VTI1A: variants seen among roughly 807,000 people sequenced by gnomAD.
VTI1A encodes the protein vesicle transport through interaction with t-SNAREs 1A, also known as vesicle transport through interaction with t-SNAREs homolog 1A.
In VTI1A, 22 loss-of-function variants were observed where a neutral mutation model predicts 34.9. The ratio of observed to expected loss-of-function variants is 0.63; its 90% CI spans 0.45 to 0.90. The LOEUF is 0.90. VTI1A is among the 40% of genes least tolerant of loss of function. VTI1A has a pLI of 0.00. For missense variants in VTI1A, 268 were observed against 275.6 expected, an observed-to-expected ratio of 0.97 and a Z score of 0.20; for synonymous variants, 87 against 97.3, an observed-to-expected ratio of 0.89 and a Z score of 0.62.
At chr10:112,640,072 G>C (rs1364885877) in intron 5 of VTI1A, among the ~76,000 whole-genome samples, 1 of 152,046 alleles carries the variant, frequency 6.6e-6, no homozygotes, top group African/African-American at 2.4e-5. Context: ...ATAGAAATAT[G>C]AAATTATTTT....
chr10:112,511,243 AG>A (rs965504278), intron 3 of VTI1A, among the ~76,000 whole-genome samples: 8 of 149,452 alleles, frequency 5.4e-5, no homozygotes, highest in African/African-American at 2.0e-4. Flanking sequence ...GATACATGTG[AG>A]GTTTTTTTTT....
At position 112,620,028 on chromosome 10, in the gene VTI1A, C is replaced by T. The variant is rs190418785; in HGVS notation, c.428-48190C>T. Among the ~76,000 whole-genome samples the T allele has an allele frequency of 3.3e-5, 5 of 152,282 alleles. No individual in the cohort carries two copies. In the East Asian group the frequency reaches 9.7e-4, roughly 29 times the overall value. ...TTCTCCCAGGGCTTTTAAAACTCTC[C>T]TCTAAAGTATTTCTGGCAACAGTCT... is the stretch of plus-strand genomic sequence containing the variant. On this transcript the variant is annotated intron_variant, in intron 5 of 7. Coordinates refer to ENST00000393077, the MANE Select transcript of VTI1A (RefSeq NM_145206.4).
At chr10:112,786,897 T>C (rs1483744390) in intron 7 of VTI1A, among the ~76,000 whole-genome samples, 1 of 152,228 alleles carries the variant, frequency 6.6e-6, no homozygotes, top group Non-Finnish European at 1.5e-5. Context: ...TGTTTAACTT[T>C]TTTATCCGGG....
intron 5 of VTI1A, among the ~76,000 whole-genome samples, chr10:112,650,396 T>C (rs111734120): frequency 9.8e-4 from 149 of 152,282 alleles, no homozygotes; most frequent in African/African-American, 3.5e-3. Flanking sequence ...TCATCTCCTA[T>C]GATAACAATG....
intron 7 of VTI1A, among the ~76,000 whole-genome samples, chr10:112,724,773 C>G (rs1163553890): frequency 7.0e-6 from 1 of 142,520 alleles, no homozygotes; most frequent in Non-Finnish European, 1.5e-5. Context: ...CTTCCCCCAT[C>G]CCCCCTTTTT....
intron 7 of VTI1A, among the ~76,000 whole-genome samples, chr10:112,720,163 TCATGGA>T (rs1849750697): frequency 6.6e-6 from 1 of 152,268 alleles, no homozygotes; most frequent in Non-Finnish European, 1.5e-5. Flanking sequence ...AACAATGCTG[TCATGGA>T]CATTTATGTA....
intron 2 of VTI1A, among the ~76,000 whole-genome samples, chr10:112,461,006 CTT>C (rs1448482018): frequency 6.6e-6 from 1 of 152,206 alleles, no homozygotes; most frequent in Non-Finnish European, 1.5e-5. Context: ...GACTCACTTG[CTT>C]GCTACAGTTT....
intron 7 of VTI1A, among the ~76,000 whole-genome samples, chr10:112,802,831 C>T (rs1852922288): frequency 6.6e-6 from 1 of 152,078 alleles, no homozygotes; most frequent in Non-Finnish European, 1.5e-5. Flanking sequence ...CAAAGAAGGA[C>T]ACTGGGGAAA....
At chr10:112,793,969 A>G (rs951884747) in intron 7 of VTI1A, among the ~76,000 whole-genome samples, 2 of 152,174 alleles carry the variant, frequency 1.3e-5, no homozygotes, top group African/African-American at 4.8e-5. Flanking sequence ...TCTGACCTGC[A>G]TAAAGAAGAT....
chr10:112,555,664 T>C (rs1254515573), intron 5 of VTI1A, among the ~76,000 whole-genome samples: 1 of 152,046 alleles, frequency 6.6e-6, no homozygotes, highest in Non-Finnish European at 1.5e-5. Context: ...AAAGAGCTGT[T>C]ATTGACCTCA....
At chr10:112,542,779 A>T (rs767106931) in intron 5 of VTI1A, among the ~76,000 whole-genome samples, 3 of 152,150 alleles carry the variant, frequency 2.0e-5, no homozygotes, top group Non-Finnish European at 2.9e-5. Context: ...TTAAGTAATT[A>T]TGTCCACACT....
intron 5 of VTI1A, among the ~76,000 whole-genome samples, chr10:112,554,125 C>G (rs991157479): frequency 6.6e-6 from 1 of 152,092 alleles, no homozygotes; most frequent in African/African-American, 2.4e-5. Context: ...AGACATTTAT[C>G]TTTATTCACT....
intron 5 of VTI1A, among the ~76,000 whole-genome samples, chr10:112,582,205 G>C (rs1450313880): frequency 6.6e-6 from 1 of 152,158 alleles, no homozygotes; most frequent in East Asian, 1.9e-4. Flanking sequence ...GTTAGAAAGA[G>C]AGAGAAGGAC....
At chr10:112,552,719 C>T (rs1446262085) in intron 5 of VTI1A, among the ~76,000 whole-genome samples, 1 of 152,026 alleles carries the variant, frequency 6.6e-6, no homozygotes, top group African/African-American at 2.4e-5. Flanking sequence ...ACAATGAATC[C>T]CCTCATTTTT....
chr10:112,501,039 A>G (rs1029172398), intron 3 of VTI1A, among the ~76,000 whole-genome samples: 1 of 152,160 alleles, frequency 6.6e-6, no homozygotes, highest in Non-Finnish European at 1.5e-5. Context: ...TAGTATGTCA[A>G]GTTTACACTT....
chr10:112,628,657 G>A (rs887610437), intron 5 of VTI1A, among the ~76,000 whole-genome samples: 1 of 152,074 alleles, frequency 6.6e-6, no homozygotes, highest in African/African-American at 2.4e-5. Context: ...TATAATGTCT[G>A]TTCTCCTAGT....
intron 5 of VTI1A, among the ~76,000 whole-genome samples, chr10:112,538,815 A>G (rs1850753018): frequency 6.6e-6 from 1 of 152,204 alleles, no homozygotes; most frequent in Non-Finnish European, 1.5e-5. Flanking sequence ...TTTAAAAAAA[A>G]AAATCATGAA....
intron 5 of VTI1A, among the ~76,000 whole-genome samples, chr10:112,580,452 T>A (rs1167082427): frequency 6.6e-6 from 1 of 152,128 alleles, no homozygotes; most frequent in Admixed American, 6.5e-5. Flanking sequence ...GATTGGAAAT[T>A]GCTGAACCAT....
intron 7 of VTI1A, among the ~76,000 whole-genome samples, chr10:112,741,098 A>C (rs888449725): frequency 6.6e-6 from 1 of 152,200 alleles, no homozygotes; most frequent in African/African-American, 2.4e-5. Flanking sequence ...TGGAATAACT[A>C]ATCTATAGAG....
Sources: allele counts gnomAD v4.1 joint callset (sites outside exome capture counted in the v4.1 genomes callset), GRCh38; gene constraint gnomAD v4.1.1; transcripts MANE v1.5; gene names NCBI Gene and HGNC (gene_info 2026-07-23, HGNC 2026-07-21).